The following CAST variants were observed in gnomAD, a reference collection of about 807,000 sequenced individuals.
The protein encoded by CAST is calpastatin, also known as MIR583 host.
In CAST, 76 loss-of-function variants were observed where a neutral mutation model predicts 119.6. The observed-to-expected ratio is 0.64, with a 90% CI of 0.53 to 0.77. The LOEUF is 0.77. Among genes scored for constraint, CAST ranks in the 30% least tolerant of loss-of-function variants. The pLI, the probability that CAST is intolerant of heterozygous loss-of-function variation, is 0.00. For missense variants in CAST, 953 were observed against 946.5 expected (o/e 1.01, Z -0.09); for synonymous variants, 319 against 331.6 (o/e 0.96, Z 0.41).
the CAST span, among the ~76,000 whole-genome samples, chr5:96,257,803 A>G: frequency 6.6e-6 from 1 of 152,372 alleles, no homozygotes; most frequent in East Asian, 1.9e-4. Flanking sequence ...GGGCTTACTC[A>G]CTATGGGTAA....
At chr5:96,769,400 T>G (rs1460875150) in intron 29 of CAST, 4 of 151,970 alleles carry the variant, frequency 2.6e-5, no homozygotes, top group Admixed American at 2.0e-4. Flanking sequence ...TTTTTTGTTT[T>G]TTTTTTTTTG....
the CAST span, among the ~76,000 whole-genome samples, chr5:96,170,941 A>G: frequency 6.6e-6 from 1 of 152,038 alleles, no homozygotes; most frequent in South Asian, 2.1e-4. Flanking sequence ...AAGAATTGGA[A>G]CCTGGCTCGG....
At chr5:96,054,283 C>T in the CAST span, among the ~76,000 whole-genome samples, 1 of 151,796 alleles carries the variant, frequency 6.6e-6, no homozygotes. Flanking sequence ...TCTCTGTTGC[C>T]CAGACTGGAG....
At chr5:96,195,358 A>T in the CAST span, among the ~76,000 whole-genome samples, 1 of 152,144 alleles carries the variant, frequency 6.6e-6, no homozygotes. Flanking sequence ...TGATTCCTGG[A>T]CCTCAACTTA....
At chr5:96,497,099 T>G in the CAST span, among the ~76,000 whole-genome samples, 2 of 147,780 alleles carry the variant, frequency 1.4e-5, no homozygotes, top group East Asian at 2.0e-4. Context: ...CTATGAGTGA[T>G]AACATGTGGT....
At chr5:96,742,432 A>G (rs1762881666) in intron 15 of CAST, 1 of 516,320 alleles carries the variant, frequency 1.9e-6, no homozygotes. Flanking sequence ...GCCCCAGAGA[A>G]CGCTGTTACT....
the CAST span, among the ~76,000 whole-genome samples, chr5:96,450,274 A>T: frequency 6.6e-6 from 1 of 152,226 alleles, no homozygotes; most frequent in African/African-American, 2.4e-5. Flanking sequence ...AAATAAAATA[A>T]AATTATGTCT....
the CAST span, among the ~76,000 whole-genome samples, chr5:96,455,291 T>C: frequency 2.6e-5 from 4 of 152,290 alleles, no homozygotes; most frequent in African/African-American, 7.2e-5. Flanking sequence ...TTCTTTTCAA[T>C]AGAAGAGAAA....
the CAST span, among the ~76,000 whole-genome samples, chr5:96,423,955 G>A: frequency 1.3e-5 from 2 of 152,188 alleles, no homozygotes; most frequent in Non-Finnish European, 2.9e-5. Context: ...GACTGTGATT[G>A]CCTCAGGAAT....
intron 9 of CAST, among the ~76,000 whole-genome samples, chr5:96,734,399 A>C (rs1048076196): frequency 6.6e-6 from 1 of 152,192 alleles, no homozygotes; most frequent in Non-Finnish European, 1.5e-5. Flanking sequence ...AGAGATAGGA[A>C]GGTAGAAGGT....
the CAST span, among the ~76,000 whole-genome samples, chr5:96,050,956 AATGG>A: frequency 2.3e-4 from 35 of 152,344 alleles, no homozygotes; most frequent in East Asian, 6.5e-3. Context: ...GTCTTTGGAC[AATGG>A]GAACACAGAA....
the CAST span, among the ~76,000 whole-genome samples, chr5:96,374,036 A>T: frequency 2.0e-5 from 3 of 152,200 alleles, no homozygotes. Context: ...TCAGTTTAGC[A>T]TGTGGAGTTG....
chr5:96,557,391 T>C (rs954735205), intron 1 of CAST, among the ~76,000 whole-genome samples: 2 of 151,868 alleles, frequency 1.3e-5, no homozygotes, highest in African/African-American at 4.8e-5. Flanking sequence ...GGCTAAATGC[T>C]CCAATTAAAA....
At position 96,729,062 on chromosome 5, in the gene CAST, T is replaced by A. The variant is rs1179443034; in HGVS notation, c.379-91T>A. ...CGGGCTTTTCCTGAAAAAGGCAGAATGTTTTAGTTGGAATTTTGTTCTTGT... is the reference window on the plus strand; with the variant it reads ...CGGGCTTTTCCTGAAAAAGGCAGAAAGTTTTAGTTGGAATTTTGTTCTTGT... On this transcript the variant is annotated intron_variant, in intron 6 of 31. Coordinates refer to ENST00000675179, the MANE Select transcript of CAST (RefSeq NM_001750.7). 12 of 815,742 alleles carry A rather than the reference T, an allele frequency of 1.5e-5. No homozygotes were observed. In the East Asian group the frequency reaches 2.3e-4, roughly 16 times the overall value. 50.5% of individuals were successfully genotyped at this position (815,742 alleles called of 1,614,324 possible).
At chr5:96,669,569 T>A (rs931971367) in intron 1 of CAST, among the ~76,000 whole-genome samples, 6 of 152,192 alleles carry the variant, frequency 3.9e-5, no homozygotes, top group Admixed American at 2.6e-4. Context: ...AGTGCTAATT[T>A]GTTTGATTTA....
chr5:96,449,522 A>C, the CAST span, among the ~76,000 whole-genome samples: 2 of 152,300 alleles, frequency 1.3e-5, no homozygotes, highest in Admixed American at 1.3e-4. Flanking sequence ...GGTGCCAAAA[A>C]TATTGGGAAC....
chr5:96,762,692 C>G, intron 25 of CAST: 1 of 305,620 alleles, frequency 3.3e-6, no homozygotes, highest in East Asian at 5.9e-5. Flanking sequence ...AGTTCTTTAG[C>G]TTTCCTGATA....
Position 96,762,341 on chromosome 5 carries a change from C to T in CAST, c.1901C>T (p.Thr634Ile), listed in dbSNP as rs1351251754. 1 of 1,605,372 alleles carries T rather than the reference C, an allele frequency of 6.2e-7. No individual in the cohort carries two copies. Among genetic ancestry groups the T allele is most frequent in the Non-Finnish European group, 8.5e-7 (1 of 1,176,838 alleles). ...GTTTCCCAAACCCCAGCTTCAACGA[C>T]CCAAGCTGGAGCCCCACCCCGTGAT... Reference protein sequence around the residue: ...EVVSQTPASTTQAGAPPRDTS... With the variant: ...EVVSQTPASTIQAGAPPRDTS... Residue 634 changes from threonine (T) to isoleucine (I), a missense_variant, in exon 25 of 32, where the codon ACC becomes ATC. By Grantham distance (89) the Thr-to-Ile change is moderately conservative. Coordinates refer to ENST00000675179, the MANE Select transcript of CAST (RefSeq NM_001750.7).
chr5:96,402,892 C>T, the CAST span, among the ~76,000 whole-genome samples: 1 of 152,158 alleles, frequency 6.6e-6, no homozygotes, highest in Non-Finnish European at 1.5e-5. Context: ...GCCTCATGAT[C>T]ACCTGGTACA....
Sources: allele counts gnomAD v4.1 joint callset (sites outside exome capture counted in the v4.1 genomes callset), GRCh38; gene constraint gnomAD v4.1.1; transcripts MANE v1.5; gene names NCBI Gene and HGNC (gene_info 2026-07-23, HGNC 2026-07-21).